TMEM175: variants seen among roughly 807,000 people sequenced by gnomAD.
TMEM175 encodes transmembrane protein 175, also known as endosomal/lysosomal proton channel TMEM175.
A neutral mutation model predicts 36.5 loss-of-function variants in TMEM175; 36 were observed. That is an observed-to-expected ratio of 0.99 (90% confidence interval 0.76 to 1.30). The LOEUF (loss-of-function observed/expected upper bound fraction) is 1.30, where lower values mean the gene tolerates loss of function less well. Ranked by LOEUF, TMEM175 falls within the 50% of genes most tolerant of loss-of-function variation. The pLI, the probability that TMEM175 is intolerant of heterozygous loss-of-function variation, is 0.00. For missense variants in TMEM175, 705 were observed against 692.8 expected, an observed-to-expected ratio of 1.02 and a Z score of -0.20; for synonymous variants, 339 against 313.4, an observed-to-expected ratio of 1.08 and a Z score of -0.86.
At chr4:956,578 G>A in intron 10 of TMEM175, 2 of 799,658 alleles carry the variant, frequency 2.5e-6, no homozygotes, top group Non-Finnish European at 3.5e-6. Flanking sequence ...AAGTAGTTGG[G>A]ATTACAAGCA....
At chr4:939,213 AAGT>A (rs1727142954) in intron 1 of TMEM175, among the ~76,000 whole-genome samples, 1 of 152,232 alleles carries the variant, frequency 6.6e-6, no homozygotes, top group African/African-American at 2.4e-5. Context: ...AAAGGTGTAA[AAGT>A]AGTTCATTGG....
intron 1 of TMEM175, among the ~76,000 whole-genome samples, chr4:941,007 AAATAATAAT>A (rs71166902): frequency 0.19 from 24,787 of 131,760 alleles, 2,836 homozygotes; most frequent in Middle Eastern, 0.32. Context: ...CTCCGTCTCA[AAATAATAAT>A]AATAATAATA....
chr4:942,621 G>T (rs1727654954), intron 1 of TMEM175, among the ~76,000 whole-genome samples: 1 of 151,164 alleles, frequency 6.6e-6, no homozygotes, highest in Non-Finnish European at 1.5e-5. Context: ...TGGCTGTTAA[G>T]GTTCCTTGAA....
chr4:953,435 C>T (rs1476575294), intron 8 of TMEM175, 81 bp downstream of exon 8: 15 of 1,486,132 alleles, frequency 1.0e-5, no homozygotes, highest in South Asian at 4.0e-5. Flanking sequence ...GCAACAAACA[C>T]GGGGGTGGGG....
At chr4:938,391 C>A (rs1302904688) in intron 1 of TMEM175, among the ~76,000 whole-genome samples, 3 of 152,060 alleles carry the variant, frequency 2.0e-5, no homozygotes, top group Non-Finnish European at 4.4e-5. Context: ...GTAATCCCAG[C>A]CACTCAGGAG....
chr4:951,557 C>G (rs1728890275), intron 5 of TMEM175, 125 bp from the exon 6 acceptor site: 1 of 1,277,904 alleles, frequency 7.8e-7, no homozygotes, highest in Non-Finnish European at 1.1e-6. Context: ...GGGCTGGACT[C>G]ACACTCGCTG....
In TMEM175 at chr4:951,245, C is replaced by T. The variant is rs376563142; in HGVS notation, c.329C>T (p.Ala110Val). The T allele has an allele frequency of 1.2e-6, 2 of 1,613,952 alleles. No individual in the cohort carries two copies. The highest frequency in any genetic ancestry group is 8.5e-7 in the Non-Finnish European group (1 of 1,179,990). ...GTTGGGAAAACAGACGACACACTTG[C>T]CCTGCTCAACCTGGTGAGTATTTTC... ...QVVGKTDDTL[A>V]LLNLACMMTI... Residue 110 changes from alanine (A) to valine (V), a missense_variant, in exon 5 of 11, where the codon GCC becomes GTC. Physicochemically the swap from Ala to Val is moderately conservative, Grantham distance 64. Transcript: ENST00000264771.
intron 4 of TMEM175, 126 bp downstream of exon 4, chr4:950,644 T>G (rs1728750548): frequency 1.4e-6 from 1 of 715,238 alleles, no homozygotes; most frequent in Admixed American, 2.3e-5. Flanking sequence ...CTCATCCGCG[T>G]GGGGATGGCA....
intron 1 of TMEM175, among the ~76,000 whole-genome samples, chr4:941,994 A>C (rs1727574066): frequency 6.6e-6 from 1 of 152,028 alleles, no homozygotes; most frequent in South Asian, 2.1e-4. Context: ...TTACATTTAC[A>C]TCATTGATCC....
At chr4:934,918 G>A (rs1217958770) in intron 1 of TMEM175, among the ~76,000 whole-genome samples, 1 of 152,164 alleles carries the variant, frequency 6.6e-6, no homozygotes, top group Non-Finnish European at 1.5e-5. Flanking sequence ...TGTATTTATT[G>A]GAATGAAGGT....
At chr4:953,463 A>AG in intron 8 of TMEM175, 109 bp downstream of exon 8, 1 of 1,347,046 alleles carries the variant, frequency 7.4e-7, no homozygotes, top group Non-Finnish European at 9.9e-7. Flanking sequence ...GCAGACAGGC[A>AG]GGGGTTCCAC....
chr4:955,807 C>A lies in TMEM175; in HGVS notation c.759C>A (p.His253Gln), dbSNP rs757497603. Residue 253 changes from histidine (H) to glutamine (Q), a missense_variant, in exon 10 of 11, where the codon CAC (histidine) becomes CAA (glutamine). By Grantham distance (24) the His-to-Gln change is conservative. Transcript: ENST00000264771. ...HPVEVFSFDL[H>Q]EPLSKERVEA... is the part of the protein sequence containing the mutation. ...TGGAAGTCTTCTCGTTTGACCTCCA[C>A]GAGCCACTCAGCAAGGAGCGCGTGG... is the stretch of plus-strand genomic sequence containing the variant. The A allele has an allele frequency of 6.2e-7, 1 of 1,603,648 alleles. No individual in the cohort carries two copies. The highest frequency in any genetic ancestry group is 1.7e-5 in the Admixed American group (1 of 57,940).
intron 1 of TMEM175, among the ~76,000 whole-genome samples, chr4:941,284 G>A (rs569947804): frequency 6.8e-6 from 1 of 147,482 alleles, no homozygotes; most frequent in Admixed American, 6.8e-5. Flanking sequence ...GCTGACACAG[G>A]AGAATCGTTT....
In TMEM175 at chr4:958,403, G is replaced by A. The variant is rs1216907077; in HGVS notation, c.1422G>A (p.Arg474=). 1 of 1,599,902 alleles carries A rather than the reference G, an allele frequency of 6.3e-7. No individual in the cohort carries two copies. Among genetic ancestry groups the A allele is most frequent in the Admixed American group, 1.7e-5 (1 of 59,912 alleles). Residue 474 remains arginine (R), a synonymous_variant, in exon 11 of 11, where the codon CGG becomes CGA. Coordinates refer to ENST00000264771, the MANE Select transcript of TMEM175 (RefSeq NM_032326.4). ...LLVGLALATL[R]VLRGLARPEH... Reference sequence around the variant, plus strand: ...TGGGCCTGGCCCTGGCCACCCTGCGGGTCCTGCGGGGCCTCGCCCGGCCCG... The same window carrying A: ...TGGGCCTGGCCCTGGCCACCCTGCGAGTCCTGCGGGGCCTCGCCCGGCCCG...
At chr4:951,939 C>T (rs1728944024) in intron 6 of TMEM175, 2 of 603,434 alleles carry the variant, frequency 3.3e-6, no homozygotes, top group Admixed American at 5.8e-5. Flanking sequence ...ACCGGCGCTC[C>T]CAGCTCCCAC....
chr4:941,783 A>G (rs62294484), intron 1 of TMEM175, among the ~76,000 whole-genome samples: 16,572 of 151,798 alleles, frequency 0.11, 1,033 homozygotes, highest in South Asian at 0.21. Context: ...GAAAAAATCA[A>G]TTTTGGCCAG....
intron 1 of TMEM175, among the ~76,000 whole-genome samples, chr4:946,931 C>T (rs1439583689): frequency 7.6e-6 from 1 of 131,442 alleles, no homozygotes; most frequent in African/African-American, 3.0e-5. Context: ...GCACAGGCGC[C>T]GAGACCGAGG....
Position 958,496 on chromosome 4 carries a change from G to T in TMEM175, c.1515G>T (p.Ter505TyrextTer?). The T allele has an allele frequency of 6.6e-7, 1 of 1,517,636 alleles. No homozygotes were observed. The allele number at this position is 1,517,636 out of a possible 1,614,324, so 94.0% of individuals were successfully genotyped here. Residue 505 changes from the stop codon to tyrosine (Y), a stop_lost, in exon 11 of 11, where the codon TAG (stop) becomes TAT (tyrosine). Coordinates refer to ENST00000264771, the MANE Select transcript of TMEM175 (RefSeq NM_032326.4). Reference protein sequence around the residue: ...PQSQLLPAPC* With the variant: ...PQSQLLPAPCY ...CCCAGCTCCTCCCTGCCCCCTGCTA[G>T]CAGCCACAGAGCCCACTCCCAGCCG...
At chr4:950,617 A>G in intron 4 of TMEM175, 99 bp downstream of exon 4, 1 of 908,318 alleles carries the variant, frequency 1.1e-6, no homozygotes. Context: ...GGAGGACAGC[A>G]GGCTACTCCT....
Sources: allele counts gnomAD v4.1 joint callset (sites outside exome capture counted in the v4.1 genomes callset), GRCh38; gene constraint gnomAD v4.1.1; transcripts MANE v1.5; gene names NCBI Gene and HGNC (gene_info 2026-07-23, HGNC 2026-07-21).